Variants in HERC1 observed in about 807,000 individuals in gnomAD.
HERC1 encodes the protein HECT and RLD domain containing E3 ubiquitin protein ligase family member 1.
In HERC1, 160 loss-of-function variants were observed where a neutral mutation model predicts 554.3. That is an observed-to-expected ratio of 0.29 (90% CI 0.25 to 0.33). The LOEUF is 0.33. Ranked by LOEUF, HERC1 falls within the 10% of genes least tolerant of loss-of-function variation. The probability of loss-of-function intolerance (pLI) is 1.00; values close to 1 mark genes in which losing one functional copy is unlikely to be tolerated. For missense variants in HERC1, 4,919 were observed against 5,918.5 expected, an observed-to-expected ratio of 0.83 and a Z score of 5.54; for synonymous variants, 2,175 against 2,131.7, an observed-to-expected ratio of 1.02 and a Z score of -0.56.
rs913034332 is a variant in HERC1 at position 63,678,254 on chromosome 15, G to A, written c.6661C>T (p.Arg2221Cys). The change falls in exon 37 of 78, where the codon CGT becomes TGT. Residue 2221 changes from arginine (R) to cysteine (C), a missense_variant. Coordinates refer to ENST00000443617, the MANE Select transcript of HERC1 (RefSeq NM_003922.4). ...VLAEATIQLI[R>C]ILHRTDRWTY... ...CAACGGTCTGTTCGGTGAAGGATAC[G>A]GATGAGCTGAATAGTGGCCTCAGCC... is the stretch of plus-strand genomic sequence containing the variant. The A allele has an allele frequency of 5.0e-6, 8 of 1,613,472 alleles. No homozygotes were observed. Among genetic ancestry groups the A allele is most frequent in the African/African-American group, 1.3e-5 (1 of 74,830 alleles).
In HERC1 at chr15:63,734,941, A is replaced by G; in HGVS notation, c.2521-92T>C. 1 of 1,062,476 alleles carries G rather than the reference A, an allele frequency of 9.4e-7. No homozygotes were observed. The highest frequency in any genetic ancestry group is 1.3e-6 in the Non-Finnish European group (1 of 742,902). The allele number at this position is 1,062,476 out of a possible 1,614,324, so 65.8% of individuals were successfully genotyped here. A position where few individuals can be genotyped will look rare whatever the true frequency, so the allele number is the denominator to read the frequency against. The stretch of plus-strand genomic sequence containing the variant: ...AGCGAACTCACTGACTACTAGGATC[A>G]TGTAAGTCTAAAAAAGATGGCATGA... On this transcript the variant is annotated intron_variant, in intron 12 of 77. Transcript: ENST00000443617. The surrounding 1 kb of genome is among the most constrained non-coding windows in gnomAD (Gnocchi z 4.6).
At chr15:63,747,924 C>T (rs949293216) in intron 10 of HERC1, 66 bp from the exon 11 acceptor site, 22 of 1,463,596 alleles carry the variant, frequency 1.5e-5, no homozygotes, top group African/African-American at 7.1e-5. Flanking sequence ...CGATCAAAAA[C>T]GAAAATTAAA....
rs1310866827 is a variant in HERC1, at chr15:63,753,960, G to A, written c.1774+545C>T. 2.6e-5 allele frequency among the ~76,000 whole-genome samples: 4 copies of A among 152,096 alleles called. No homozygotes were observed. The East Asian group carries it at 5.8e-4, about 22-fold the overall frequency. ...AGACTAAATCTGGCAGATCACTTGA[G>A]CCCAGAAGTTCGAGGCCAGCCTGGG... is the stretch of plus-strand genomic sequence containing the variant. On this transcript the variant is annotated intron_variant, in intron 7 of 77. Transcript: ENST00000443617.
chr15:63,661,963 C>A lies in HERC1; in HGVS notation c.8960G>T (p.Ser2987Ile). 1 of 1,614,004 alleles carries A rather than the reference C, an allele frequency of 6.2e-7. No individual in the cohort carries two copies. Among genetic ancestry groups the A allele is most frequent in the Non-Finnish European group, 8.5e-7 (1 of 1,179,888 alleles). The part of the protein sequence containing the change: ...EVVVCELCEC[S>I]VVSFNQHMKR... ...CATGTGCTGATTGAAGCTGACGACG[C>A]TGCATTCACACAGTTCACACACCAC... The change falls in exon 45 of 78, where the codon AGC (serine) becomes ATC (isoleucine). Residue 2987 changes from serine to isoleucine, a missense_variant. Ser to Ile is a moderately radical substitution (Grantham distance 142). Transcript: ENST00000443617.
intron 55 of HERC1, 126 bp downstream of exon 55, chr15:63,647,943 G>C (rs901057618): frequency 1.4e-6 from 1 of 728,936 alleles, no homozygotes; most frequent in Non-Finnish European, 2.3e-6. Flanking sequence ...TTACTTGATG[G>C]GTACAATGTA....
intron 24 of HERC1, among the ~76,000 whole-genome samples, chr15:63,711,104 C>G (rs1477098591): frequency 6.6e-6 from 1 of 152,130 alleles, no homozygotes; most frequent in African/African-American, 2.4e-5. Flanking sequence ...GAGGCTGAAG[C>G]AGGAGGATCA....
At chr15:63,609,375 A>G (rs957735217) in intron 77 of HERC1, 109 bp from the exon 78 acceptor site, 1 of 978,526 alleles carries the variant, frequency 1.0e-6, no homozygotes, top group Non-Finnish European at 1.5e-6. Flanking sequence ...ACATGGCCAC[A>G]TGGTTAAGTC....
chr15:63,626,265 C>T, intron 70 of HERC1, 111 bp from the exon 71 acceptor site: 1 of 937,962 alleles, frequency 1.1e-6, no homozygotes, highest in South Asian at 1.6e-5. Flanking sequence ...ACAATGGACA[C>T]CCATTCAAAC....
At chr15:63,832,220 T>G (rs988440663) in intron 1 of HERC1, among the ~76,000 whole-genome samples, 4 of 152,216 alleles carry the variant, frequency 2.6e-5, no homozygotes, top group South Asian at 2.1e-4. Context: ...AATATAGCAA[T>G]ACATCTTAAC....
Position 63,690,542 on chromosome 15 carries a change from TG to T in HERC1, c.5935del (p.Gln1979ArgfsTer28). The T allele has an allele frequency of 6.3e-7, 1 of 1,592,798 alleles. No individual in the cohort carries two copies. The highest frequency in any genetic ancestry group is 8.6e-7 in the Non-Finnish European group (1 of 1,165,914). On this transcript the variant is annotated frameshift_variant and splice_region_variant, in exon 32 of 78. Transcript: ENST00000443617. LOFTEE classifies it high-confidence loss of function. ...ESGVEDDQMA[Q>X]IVERLFSLLS... ...TCTAATAATTTTAAAAATAAAAACCTGGGCCATTTGATCATCTTCTACACCA... is the reference window on the plus strand; with the variant it reads ...TCTAATAATTTTAAAAATAAAAACCTGGCCATTTGATCATCTTCTACACCA...
chr15:63,617,520 A>G (rs563199451), intron 74 of HERC1, among the ~76,000 whole-genome samples: 2 of 152,346 alleles, frequency 1.3e-5, no homozygotes, highest in Non-Finnish European at 2.9e-5. Context: ...TTGGGTATAT[A>G]CCCAGTAATG....
chr15:63,696,931 TTTAA>T (rs1290131482), intron 26 of HERC1, among the ~76,000 whole-genome samples: 1 of 143,240 alleles, frequency 7.0e-6, no homozygotes, highest in Non-Finnish European at 1.5e-5. Context: ...ATCCTTCTTC[TTTAA>T]AAAAAAAAAA....
chr15:63,821,726 CAAAAAA>C (rs35074987), intron 1 of HERC1, among the ~76,000 whole-genome samples: 3 of 62,476 alleles, frequency 4.8e-5, no homozygotes, highest in Non-Finnish European at 8.5e-5. Context: ...TACCCTGTCT[CAAAAAA>C]AAAAAAAAAA....
chr15:63,645,936 T>C (rs1311113996), intron 55 of HERC1, among the ~76,000 whole-genome samples: 1 of 152,200 alleles, frequency 6.6e-6, no homozygotes, highest in East Asian at 1.9e-4. Flanking sequence ...ATAAATGAAT[T>C]ATGAAATTCT....
chr15:63,720,046 T>G (rs936617225), intron 19 of HERC1, among the ~76,000 whole-genome samples: 2 of 150,892 alleles, frequency 1.3e-5, no homozygotes, highest in African/African-American at 4.9e-5. Context: ...AGACATGTAG[T>G]TGAAAACCGA....
chr15:63,625,928 C>A (rs1438644727), intron 71 of HERC1, 57 bp downstream of exon 71: 1 of 1,544,746 alleles, frequency 6.5e-7, no homozygotes, highest in East Asian at 2.4e-5. Flanking sequence ...GAGCATGTCA[C>A]GGGCACTGCT....
Position 63,645,497 on chromosome 15 carries a change from C to T in HERC1, c.11064G>A (p.Gln3688=), listed in dbSNP as rs372792003. 1.9e-6 allele frequency: 3 copies of T among 1,611,278 alleles called. No homozygotes were observed. Among genetic ancestry groups the T allele is most frequent in the Non-Finnish European group, 2.5e-6 (3 of 1,178,606 alleles). Residue 3688 remains glutamine, a synonymous_variant, in exon 56 of 78, where the codon CAG becomes CAA. Coordinates refer to ENST00000443617, the MANE Select transcript of HERC1 (RefSeq NM_003922.4). ...CRLPGKGSKL[Q]LLMATGCQSG... is the part of the protein sequence containing the mutation. ...TGACAACATACGTAGCCATCAGTAA[C>T]TGCAACTTGGATCCTTTCCCTGGAA...
At chr15:63,812,489 C>T (rs1217830085) in intron 1 of HERC1, among the ~76,000 whole-genome samples, 1 of 152,158 alleles carries the variant, frequency 6.6e-6, no homozygotes, top group Non-Finnish European at 1.5e-5. Flanking sequence ...ACACTGAAGT[C>T]ACACTATAAA....
rs1355282914 is a variant in HERC1 at position 63,746,224 on chromosome 15, G to GA, written c.2520+693_2520+694insT. Among the ~76,000 whole-genome samples the GA allele has an allele frequency of 1.1e-4, 16 of 151,910 alleles. No homozygotes were observed. The South Asian group carries it at 1.2e-3, about 12-fold the overall frequency. ...CATTTCATGAGTTTTGGTATGTTAA[G>GA]TTTTTGTTTTCATTAATCTTAAGTA... On this transcript the variant is annotated intron_variant, in intron 12 of 77. Transcript: ENST00000443617.
Sources: allele counts gnomAD v4.1 joint callset (sites outside exome capture counted in the v4.1 genomes callset), GRCh38; gene constraint gnomAD v4.1.1; non-coding constraint Gnocchi (gnomAD v3.1); transcripts MANE v1.5; gene names NCBI Gene and HGNC (gene_info 2026-07-23, HGNC 2026-07-21).